Variants in CHD7 observed in about 807,000 individuals in gnomAD.
CHD7 encodes the protein ATP-dependent chromatin remodeler CHD7.
CHD7 carries 24 observed loss-of-function variants against 307.3 expected under a neutral mutation model. That is an observed-to-expected ratio of 0.08 (90% CI 0.06 to 0.11). The LOEUF (loss-of-function observed/expected upper bound fraction) is 0.11. CHD7 is among the 10% of genes least tolerant of loss of function. The pLI, the probability that CHD7 is intolerant of heterozygous loss-of-function variation, is 1.00. For synonymous variants in CHD7, 1,363 were observed against 1,349.9 expected (o/e 1.01, Z -0.21); for missense variants, 3,106 against 3,727.1 (o/e 0.83, Z 4.34).
In CHD7 at chr8:60,857,179, A is replaced by C. The variant is rs150073135; in HGVS notation, c.7608+291A>C. Among the ~76,000 whole-genome samples the C allele has an allele frequency of 1.1e-4, 17 of 152,340 alleles. No individual in the cohort carries two copies. In the East Asian group the frequency reaches 2.9e-3, roughly 26 times the overall value. ...ATGTTCTTCTGAATCTAGAATTGTT[A>C]TCTCTGAATTCTTGAGGTGGAACAA... On this transcript the variant is annotated intron_variant, in intron 34 of 37. Coordinates refer to ENST00000423902, the MANE Select transcript of CHD7 (RefSeq NM_017780.4).
At position 60,746,787 on chromosome 8, in the gene CHD7, G is replaced by C. The variant is rs538018653; in HGVS notation, c.1665+3690G>C. ...AGAACAAAAAGGCCACAGTTCATCAGATCACAATGTGAAAAATTACACATT... is the reference window on the plus strand; with the variant it reads ...AGAACAAAAAGGCCACAGTTCATCACATCACAATGTGAAAAATTACACATT... On this transcript the variant is annotated intron_variant, in intron 2 of 37. Transcript: ENST00000423902. Among the ~76,000 whole-genome samples the C allele has an allele frequency of 2.0e-5, 3 of 152,300 alleles. No homozygotes were observed. The East Asian group carries it at 5.8e-4, about 29-fold the overall frequency.
At chr8:60,751,802 T>C (rs1282511478) in intron 2 of CHD7, among the ~76,000 whole-genome samples, 1 of 152,146 alleles carries the variant, frequency 6.6e-6, no homozygotes, top group Non-Finnish European at 1.5e-5. Context: ...TTACAGGTGA[T>C]GGAGAACTTG....
At chr8:60,823,414 GA>G (rs1804133884) in intron 12 of CHD7, among the ~76,000 whole-genome samples, 1 of 151,868 alleles carries the variant, frequency 6.6e-6, no homozygotes, top group Non-Finnish European at 1.5e-5. Flanking sequence ...TAGATAGATA[GA>G]TAGATAGATA....
intron 1 of CHD7, among the ~76,000 whole-genome samples, chr8:60,693,576 C>A (rs1052892201): frequency 1.3e-5 from 2 of 152,206 alleles, no homozygotes; most frequent in African/African-American, 4.8e-5. Context: ...CCCTGGCCTC[C>A]TCAGCTATCG....
chr8:60,707,007 C>T (rs1332012510), intron 1 of CHD7, among the ~76,000 whole-genome samples: 2 of 152,090 alleles, frequency 1.3e-5, no homozygotes, highest in Non-Finnish European at 2.9e-5. Flanking sequence ...GTGTGATGTT[C>T]CCCTTCCTGT....
At chr8:60,763,563 A>G (rs1026730682) in intron 2 of CHD7, among the ~76,000 whole-genome samples, 1 of 152,132 alleles carries the variant, frequency 6.6e-6, no homozygotes, top group Non-Finnish European at 1.5e-5. Context: ...TAGGAAAACA[A>G]TGCAAGGTTT....
chr8:60,688,116 C>A (rs542153899), intron 1 of CHD7, among the ~76,000 whole-genome samples: 2 of 152,324 alleles, frequency 1.3e-5, no homozygotes, highest in African/African-American at 4.8e-5. Flanking sequence ...AGGTCCTTGC[C>A]TTTCACACTT....
chr8:60,747,206 G>A (rs1809373572), intron 2 of CHD7, among the ~76,000 whole-genome samples: 1 of 151,904 alleles, frequency 6.6e-6, no homozygotes, highest in Non-Finnish European at 1.5e-5. Flanking sequence ...CTCCCTAGTA[G>A]TTGGGATTAC....
chr8:60,756,413 A>G (rs1302922833), intron 2 of CHD7, among the ~76,000 whole-genome samples: 3 of 152,252 alleles, frequency 2.0e-5, no homozygotes, highest in South Asian at 4.1e-4. Flanking sequence ...TGTTAAACAC[A>G]GCATATTGTT....
intron 19 of CHD7, among the ~76,000 whole-genome samples, chr8:60,839,466 T>C (rs917558073): frequency 2.6e-5 from 4 of 152,232 alleles, no homozygotes; most frequent in Non-Finnish European, 5.9e-5. Flanking sequence ...TGCTGGGTCC[T>C]ATGTTAACTT....
intron 1 of CHD7, among the ~76,000 whole-genome samples, chr8:60,709,287 G>A (rs779366682): frequency 6.6e-6 from 1 of 152,140 alleles, no homozygotes. Flanking sequence ...CCCTTAAAAA[G>A]GGAATCTTGT....
intron 13 of CHD7, among the ~76,000 whole-genome samples, chr8:60,826,062 T>A (rs1804242564): frequency 6.6e-6 from 1 of 152,208 alleles, no homozygotes; most frequent in Non-Finnish European, 1.5e-5. Context: ...TGGATTAGAA[T>A]CTGTTATCCA....
intron 23 of CHD7, among the ~76,000 whole-genome samples, chr8:60,847,217 TGAG>T (rs1805251881): frequency 6.6e-6 from 1 of 152,132 alleles, no homozygotes; most frequent in Non-Finnish European, 1.5e-5. Context: ...GAGGGCCTGT[TGAG>T]GAGCATCTGT....
chr8:60,809,838 G>C (rs1812716704), intron 7 of CHD7, among the ~76,000 whole-genome samples: 1 of 152,072 alleles, frequency 6.6e-6, no homozygotes, highest in African/African-American at 2.4e-5. Context: ...AAGAATTTCT[G>C]TTTTTCTTTT....
At chr8:60,745,365 C>T (rs562833656) in intron 2 of CHD7, among the ~76,000 whole-genome samples, 1 of 152,264 alleles carries the variant, frequency 6.6e-6, no homozygotes, top group African/African-American at 2.4e-5. Flanking sequence ...TGCTCTCCTC[C>T]AGCTTTCCTG....
At chr8:60,844,341 G>A (rs1462328524) in intron 21 of CHD7, among the ~76,000 whole-genome samples, 3 of 152,160 alleles carry the variant, frequency 2.0e-5, no homozygotes, top group East Asian at 1.9e-4. Flanking sequence ...TTATTACTCC[G>A]TTTCAAAAGG....
chr8:60,706,216 AT>A (rs960730879), intron 1 of CHD7, among the ~76,000 whole-genome samples: 3 of 151,810 alleles, frequency 2.0e-5, no homozygotes, highest in East Asian at 3.9e-4. Flanking sequence ...GCTGATTCAT[AT>A]TTTTTTTGTG....
At position 60,853,507 on chromosome 8, in the gene CHD7, C is replaced by T. The variant is rs1805573353; in HGVS notation, c.6775+7C>T. 11 of 1,507,268 alleles carry T rather than the reference C, an allele frequency of 7.3e-6. No individual in the cohort carries two copies. In the East Asian group the frequency reaches 1.8e-4, roughly 25 times the overall value. 93.4% of individuals were successfully genotyped at this position (1,507,268 alleles called of 1,614,324 possible). On this transcript the variant is annotated splice_region_variant and intron_variant, in intron 31 of 37. Coordinates refer to ENST00000423902, the MANE Select transcript of CHD7 (RefSeq NM_017780.4). ...GAGTCTTCCCAGCCCGAAGGTAAGGCCTTACCACTGGCCCCTCTCCTGACC... is the reference window on the plus strand; with the variant it reads ...GAGTCTTCCCAGCCCGAAGGTAAGGTCTTACCACTGGCCCCTCTCCTGACC...
chr8:60,830,040 G>A (rs1054806320), intron 14 of CHD7, among the ~76,000 whole-genome samples: 6 of 152,194 alleles, frequency 3.9e-5, no homozygotes, highest in African/African-American at 1.4e-4. Flanking sequence ...AGAAGGGAAA[G>A]CTACATGAAT....
Sources: gnomAD v4.1 joint callset for allele counts (sites outside exome capture counted in the v4.1 genomes callset) on GRCh38, gnomAD v4.1.1 for gene constraint, MANE v1.5 for transcripts, NCBI Gene and HGNC (gene_info 2026-07-23, HGNC 2026-07-21) for gene names.